CRTC3: variants seen among roughly 807,000 people sequenced by gnomAD.
CRTC3 encodes CREB regulated transcription coactivator 3.
In CRTC3, 26 loss-of-function variants were observed where a neutral mutation model predicts 74.5. The ratio of observed to expected loss-of-function variants is 0.35; its 90% CI spans 0.26 to 0.48. The LOEUF is 0.48. Among genes scored for constraint, CRTC3 ranks in the 20% least tolerant of loss-of-function variants. The pLI, the probability that CRTC3 is intolerant of heterozygous loss-of-function variation, is 0.99. For synonymous variants in CRTC3, 377 were observed against 325.8 expected, an observed-to-expected ratio of 1.16 and a Z score of -1.69; for missense variants, 760 against 787.3, an observed-to-expected ratio of 0.97 and a Z score of 0.41.
At chr15:90,603,400 G>A (rs1368283256) in intron 4 of CRTC3, among the ~76,000 whole-genome samples, 3 of 151,820 alleles carry the variant, frequency 2.0e-5, no homozygotes, top group South Asian at 2.1e-4. Flanking sequence ...CCGAGATCAC[G>A]CCACTGCACT....
rs80003747 is a variant in CRTC3, at chr15:90,609,033, C to A, written c.577+1555C>A. On this transcript the variant is annotated intron_variant, in intron 6 of 14. Coordinates refer to ENST00000268184, the MANE Select transcript of CRTC3 (RefSeq NM_022769.5). ...TTTCTGGTTTTCTTTGCTTTTTGGA[C>A]AATTTAAAGCCTAAATGGCCTCTGT... Among the ~76,000 whole-genome samples the A allele has an allele frequency of 2.9e-3, 441 of 152,276 alleles. 2 individuals carry two copies. The highest frequency in any genetic ancestry group is 0.01 in the African/African-American group (435 of 41,550).
chr15:90,564,353 A>G (rs1008668279), intron 2 of CRTC3, among the ~76,000 whole-genome samples: 3 of 152,186 alleles, frequency 2.0e-5, no homozygotes, highest in African/African-American at 7.2e-5. Flanking sequence ...TGTTAACCCT[A>G]TGACATCATT....
At position 90,643,820 on chromosome 15, in the gene CRTC3, A is replaced by G. The variant is rs1306364692; in HGVS notation, c.*1680A>G. ...TGCCAGGACCTTTGCTTGGACAGCC[A>G]TTGCCCTTCCAGGAGACCCTGGAGT... is the stretch of plus-strand genomic sequence containing the variant. On this transcript the variant is annotated 3_prime_UTR_variant, in exon 15 of 15. Transcript: ENST00000268184. The G allele has an allele frequency of 4.3e-6, 1 of 231,950 alleles. No homozygotes were observed. The highest frequency in any genetic ancestry group is 2.2e-5 in the African/African-American group (1 of 45,152). 14.4% of individuals were successfully genotyped at this position (231,950 alleles called of 1,614,324 possible).
chr15:90,594,060 A>T lies in CRTC3; in HGVS notation c.351+305A>T, dbSNP rs1309747659. 2.3e-5 allele frequency: 5 copies of T among 216,402 alleles called. No individual in the cohort carries two copies. In the East Asian group the frequency reaches 4.7e-4, roughly 20 times the overall value. 13.4% of individuals were successfully genotyped at this position (216,402 alleles called of 1,614,324 possible). A position where few individuals can be genotyped will look rare whatever the true frequency, so the allele number is the denominator to read the frequency against. On this transcript the variant is annotated intron_variant, in intron 3 of 14. Coordinates refer to ENST00000268184, the MANE Select transcript of CRTC3 (RefSeq NM_022769.5). ...TTTCTCCAGAAATTGGCCACGTTAG[A>T]GTTAAACCTGACTTTGAATCAGGTT...
intron 2 of CRTC3, among the ~76,000 whole-genome samples, chr15:90,570,554 T>G (rs1423503032): frequency 6.6e-6 from 1 of 152,166 alleles, no homozygotes; most frequent in African/African-American, 2.4e-5. Context: ...AATGATTTTT[T>G]TGGGGAAAGA....
At chr15:90,615,912 G>A in intron 7 of CRTC3, among the ~76,000 whole-genome samples, 1 of 151,486 alleles carries the variant, frequency 6.6e-6, no homozygotes, top group Non-Finnish European at 1.5e-5. Flanking sequence ...AGGCTGGAGT[G>A]CAGTGGTGTG....
rs1193221567 is a variant in CRTC3, at chr15:90,619,734, T to C, written c.700-7T>C. The C allele has an allele frequency of 6.2e-7, 1 of 1,613,574 alleles. No individual in the cohort carries two copies. Among genetic ancestry groups the C allele is most frequent in the African/African-American group, 1.3e-5 (1 of 75,030 alleles). ...GAGTAAGCCCAGCTTTCATTGTCTCTTCTCAGATTCAGTCCCTGTCAGGAC... is the reference window on the plus strand; with the variant it reads ...GAGTAAGCCCAGCTTTCATTGTCTCCTCTCAGATTCAGTCCCTGTCAGGAC... On this transcript the variant is annotated splice_polypyrimidine_tract_variant and splice_region_variant and intron_variant, in intron 8 of 14. Coordinates refer to ENST00000268184, the MANE Select transcript of CRTC3 (RefSeq NM_022769.5).
At chr15:90,563,538 C>T (rs1567166962) in intron 2 of CRTC3, among the ~76,000 whole-genome samples, 3 of 152,058 alleles carry the variant, frequency 2.0e-5, no homozygotes, top group East Asian at 3.8e-4. Context: ...CAAAGCATAG[C>T]CTTGACCGAG....
At chr15:90,554,242 C>T (rs1402380761) in intron 2 of CRTC3, among the ~76,000 whole-genome samples, 1 of 149,988 alleles carries the variant, frequency 6.7e-6, no homozygotes, top group Admixed American at 6.6e-5. Flanking sequence ...CTTGCTCTGT[C>T]ACCCAGGCTG....
At chr15:90,546,264 T>C (rs367993944) in intron 2 of CRTC3, among the ~76,000 whole-genome samples, 6 of 152,222 alleles carry the variant, frequency 3.9e-5, no homozygotes, top group African/African-American at 1.4e-4. Context: ...TGCATAGGGA[T>C]GTTAAATTGT....
chr15:90,557,944 A>C (rs1966929390), intron 2 of CRTC3, among the ~76,000 whole-genome samples: 1 of 152,256 alleles, frequency 6.6e-6, no homozygotes, highest in South Asian at 2.1e-4. Context: ...GCCCTGAAAC[A>C]CAGTGACCAA....
chr15:90,615,152 C>T (rs7170816), intron 7 of CRTC3, among the ~76,000 whole-genome samples: 3,322 of 152,168 alleles, frequency 0.022, 134 homozygotes, highest in African/African-American at 0.076. Context: ...AGAACGTCTT[C>T]GTTGACAGAT....
chr15:90,591,729 G>C (rs1477606161), intron 2 of CRTC3, among the ~76,000 whole-genome samples: 3 of 152,182 alleles, frequency 2.0e-5, no homozygotes, highest in Admixed American at 6.5e-5. Context: ...CCTGGGAAGT[G>C]GAGGTTGCAT....
At chr15:90,621,874 T>C (rs894683450) in intron 9 of CRTC3, among the ~76,000 whole-genome samples, 1 of 152,226 alleles carries the variant, frequency 6.6e-6, no homozygotes, top group Non-Finnish European at 1.5e-5. Flanking sequence ...TTCTTGGCAC[T>C]GGGTTAAACA....
At chr15:90,583,664 A>G (rs528553848) in intron 2 of CRTC3, among the ~76,000 whole-genome samples, 10 of 152,280 alleles carry the variant, frequency 6.6e-5, no homozygotes, top group Admixed American at 6.5e-4. Flanking sequence ...TCCAAAACCC[A>G]GAACAGCTGG....
At chr15:90,626,475 G>C (rs1433392681) in intron 10 of CRTC3, among the ~76,000 whole-genome samples, 1 of 152,182 alleles carries the variant, frequency 6.6e-6, no homozygotes, top group Non-Finnish European at 1.5e-5. Context: ...ATCCCCCACA[G>C]TTCCAGTTAA....
intron 11 of CRTC3, among the ~76,000 whole-genome samples, chr15:90,633,804 C>CTTGT (rs527356755): frequency 2.0e-5 from 3 of 151,116 alleles, no homozygotes. Flanking sequence ...TGGTTGCTTC[C>CTTGT]TTGTTTGTTT....
intron 2 of CRTC3, among the ~76,000 whole-genome samples, chr15:90,541,334 T>A (rs1163956546): frequency 1.3e-5 from 2 of 152,248 alleles, no homozygotes; most frequent in African/African-American, 4.8e-5. Flanking sequence ...GGTTCACTTT[T>A]TTGATGATGT....
At position 90,641,159 on chromosome 15, in the gene CRTC3, G is replaced by A. The variant is rs370456941; in HGVS notation, c.1611G>A (p.Pro537=). 16 of 1,613,868 alleles carry A rather than the reference G, an allele frequency of 9.9e-6. No individual in the cohort carries two copies. Among genetic ancestry groups the A allele is most frequent in the African/African-American group, 9.3e-5 (7 of 74,900 alleles). Residue 537 remains proline (P), a synonymous_variant, in exon 14 of 15, where the codon CCG becomes CCA. Transcript: ENST00000268184. ...LQDSFHLRPS[P]YSNCGSLPNT... ...ACTCTTTTCATTTGAGACCAAGCCC[G>A]TATTCCAACTGCGGGAGTCTCCCGA...
Sources: gnomAD v4.1 joint callset for allele counts (sites outside exome capture counted in the v4.1 genomes callset) on GRCh38, gnomAD v4.1.1 for gene constraint, MANE v1.5 for transcripts, NCBI Gene and HGNC (gene_info 2026-07-23, HGNC 2026-07-21) for gene names.